The following CAMK4 variants were observed in gnomAD, a reference collection of about 807,000 sequenced individuals.
CAMK4 encodes calcium/calmodulin-dependent protein kinase type IV.
In CAMK4, 22 loss-of-function variants were observed where a neutral mutation model predicts 44.9. The observed-to-expected ratio is 0.49, with a 90% CI of 0.35 to 0.70. The LOEUF is 0.70. Ranked by LOEUF, CAMK4 falls within the 30% of genes least tolerant of loss-of-function variation. CAMK4 has a pLI of 0.01. For synonymous variants in CAMK4, 218 were observed against 215.4 expected, an observed-to-expected ratio of 1.01 and a Z score of -0.11; for missense variants, 498 against 586.8, an observed-to-expected ratio of 0.85 and a Z score of 1.56.
At chr5:111,328,571 G>A (rs1394494471) in intron 1 of CAMK4, among the ~76,000 whole-genome samples, 2 of 152,030 alleles carry the variant, frequency 1.3e-5, no homozygotes. Flanking sequence ...GCTTGATGGG[G>A]ATGGCATTGA....
At position 111,494,111 on chromosome 5, in the gene CAMK4, C is replaced by G. The variant is rs1342099183; in HGVS notation, c.*9645C>G. The G allele has an allele frequency of 6.6e-6, 1 of 152,096 alleles. No homozygotes were observed. Among genetic ancestry groups the G allele is most frequent in the Admixed American group, 6.6e-5 (1 of 15,266 alleles). The allele number at this position is 152,096 out of a possible 1,614,324, so 9.4% of individuals were successfully genotyped here. ...AAGGATATAAGCAGCTCAATAGCAG[C>G]ATAGAGGATTAGATTAATGGAACAG... On this transcript the variant is annotated 3_prime_UTR_variant, in exon 11 of 11. Transcript: ENST00000282356.
chr5:111,334,885 G>A (rs755230374), intron 1 of CAMK4, among the ~76,000 whole-genome samples: 5 of 151,244 alleles, frequency 3.3e-5, no homozygotes, highest in African/African-American at 4.8e-5. Flanking sequence ...TTGTAACCAA[G>A]CATCTTCAAC....
intron 1 of CAMK4, among the ~76,000 whole-genome samples, chr5:111,336,321 C>T (rs977044400): frequency 6.6e-6 from 1 of 151,134 alleles, no homozygotes; most frequent in Non-Finnish European, 1.5e-5. Context: ...AGATGCAACA[C>T]TGTACAAGAT....
chr5:111,441,235 C>T (rs1580756793), intron 5 of CAMK4, among the ~76,000 whole-genome samples: 1 of 152,122 alleles, frequency 6.6e-6, no homozygotes, highest in East Asian at 1.9e-4. Flanking sequence ...AGAGATATGC[C>T]TTTGGCAGCA....
chr5:111,438,974 C>T (rs1580754003), intron 5 of CAMK4, among the ~76,000 whole-genome samples: 2 of 152,226 alleles, frequency 1.3e-5, no homozygotes, highest in Non-Finnish European at 2.9e-5. Flanking sequence ...CACCTGACCA[C>T]AGTTGGCTGA....
At chr5:111,374,016 G>A (rs1751114995) in intron 2 of CAMK4, among the ~76,000 whole-genome samples, 1 of 152,102 alleles carries the variant, frequency 6.6e-6, no homozygotes, top group African/African-American at 2.4e-5. Flanking sequence ...CCCAAACAAA[G>A]AGACCAAGTG....
chr5:111,489,928 G>C lies in CAMK4; in HGVS notation c.*5462G>C, dbSNP rs1052092975. 6.6e-6 allele frequency: 1 copy of C among 152,192 alleles called. No homozygotes were observed. The highest frequency in any genetic ancestry group is 1.5e-5 in the Non-Finnish European group (1 of 68,048). The allele number at this position is 152,192 out of a possible 1,614,324, so 9.4% of individuals were successfully genotyped here. A position where few individuals can be genotyped will look rare whatever the true frequency, so the allele number is the denominator to read the frequency against. On this transcript the variant is annotated 3_prime_UTR_variant, in exon 11 of 11. Coordinates refer to ENST00000282356, the MANE Select transcript of CAMK4 (RefSeq NM_001744.6). ...GAGCATCCCAGACTGGAGAAATGCAGCGTATCTGTGGCCCAGAATTTTGTT... is the reference window on the plus strand; with the variant it reads ...GAGCATCCCAGACTGGAGAAATGCACCGTATCTGTGGCCCAGAATTTTGTT...
intron 5 of CAMK4, among the ~76,000 whole-genome samples, chr5:111,443,279 T>TACACAC (rs60644060): frequency 3.7e-4 from 14 of 37,476 alleles, no homozygotes; most frequent in Admixed American, 1.2e-3. Flanking sequence ...TATATATATA[T>TACACAC]ACACACACAC....
At chr5:111,399,202 C>T (rs530941282) in intron 5 of CAMK4, among the ~76,000 whole-genome samples, 25 of 152,206 alleles carry the variant, frequency 1.6e-4, no homozygotes, top group Non-Finnish European at 2.6e-4. Flanking sequence ...CCTTGTTTTC[C>T]GACCCTTAGA....
chr5:111,452,436 A>G (rs765099799), intron 7 of CAMK4, among the ~76,000 whole-genome samples: 1 of 152,218 alleles, frequency 6.6e-6, no homozygotes, highest in Non-Finnish European at 1.5e-5. Flanking sequence ...TGATGATAAC[A>G]TTATGACATA....
At chr5:111,420,696 C>T (rs1752994549) in intron 5 of CAMK4, among the ~76,000 whole-genome samples, 1 of 152,166 alleles carries the variant, frequency 6.6e-6, no homozygotes, top group Admixed American at 6.5e-5. Context: ...ATTCTCTTTC[C>T]CAGGGATGTT....
chr5:111,425,462 T>C (rs937122072), intron 5 of CAMK4, among the ~76,000 whole-genome samples: 1 of 152,192 alleles, frequency 6.6e-6, no homozygotes, highest in African/African-American at 2.4e-5. Context: ...TGCCACCTCC[T>C]CCTTCAAGAT....
At chr5:111,266,848 G>T (rs1750267767) in intron 1 of CAMK4, among the ~76,000 whole-genome samples, 1 of 152,172 alleles carries the variant, frequency 6.6e-6, no homozygotes, top group South Asian at 2.1e-4. Flanking sequence ...AGTAATATTT[G>T]ATGTCAATGA....
intron 1 of CAMK4, among the ~76,000 whole-genome samples, chr5:111,259,224 ATC>A (rs1346324420): frequency 2.0e-5 from 3 of 152,216 alleles, no homozygotes; most frequent in Non-Finnish European, 4.4e-5. Flanking sequence ...TAATCTCTGT[ATC>A]TCTCACTCCC....
chr5:111,460,624 A>C (rs896822219), intron 7 of CAMK4, among the ~76,000 whole-genome samples: 1 of 152,166 alleles, frequency 6.6e-6, no homozygotes, highest in African/African-American at 2.4e-5. Context: ...TAATTTTAAT[A>C]TTAGGATGAG....
chr5:111,305,326 T>C (rs1747883821), intron 1 of CAMK4, among the ~76,000 whole-genome samples: 1 of 27,678 alleles, frequency 3.6e-5, no homozygotes, highest in Non-Finnish European at 7.0e-5. Flanking sequence ...TTTGAAAGGA[T>C]CAACAAAATT....
At chr5:111,399,374 C>T in intron 5 of CAMK4, among the ~76,000 whole-genome samples, 1 of 152,192 alleles carries the variant, frequency 6.6e-6, no homozygotes. Flanking sequence ...ATAATAACCA[C>T]CACTACCTCT....
At chr5:111,352,542 T>TACTG (rs1375390131) in intron 2 of CAMK4, among the ~76,000 whole-genome samples, 1 of 151,846 alleles carries the variant, frequency 6.6e-6, no homozygotes, top group Non-Finnish European at 1.5e-5. Flanking sequence ...AGCACAAATT[T>TACTG]ACTGGTTCAG....
chr5:111,446,799 T>C, intron 6 of CAMK4, 23 bp downstream of exon 6: 4 of 1,448,402 alleles, frequency 2.8e-6, no homozygotes, highest in Non-Finnish European at 3.9e-6. Context: ...CTTCTTGTTT[T>C]GTGACCCCTT....
Sources: allele counts gnomAD v4.1 joint callset (sites outside exome capture counted in the v4.1 genomes callset), GRCh38; gene constraint gnomAD v4.1.1; transcripts MANE v1.5; gene names NCBI Gene and HGNC (gene_info 2026-07-23, HGNC 2026-07-21).